The following DOCK2 variants were observed in gnomAD, a reference collection of about 807,000 sequenced individuals.
DOCK2 encodes dedicator of cytokinesis 2, also known as dedicator of cytokinesis protein 2.
In DOCK2, 87 loss-of-function variants were observed where a neutral mutation model predicts 248.9. The ratio of observed to expected loss-of-function variants is 0.35; its 90% CI spans 0.29 to 0.42. The LOEUF is 0.42. Among genes scored for constraint, DOCK2 ranks in the 10% least tolerant of loss-of-function variants. The probability of loss-of-function intolerance (pLI) is 1.00; values close to 1 mark genes in which losing one functional copy is unlikely to be tolerated. For missense variants in DOCK2, 1,747 were observed against 2,300.2 expected, an observed-to-expected ratio of 0.76 and a Z score of 4.92; for synonymous variants, 805 against 821.6, an observed-to-expected ratio of 0.98 and a Z score of 0.35.
chr5:169,765,070 G>GCACACACACACACACACACACACA (rs142755026), intron 25 of DOCK2, among the ~76,000 whole-genome samples: 1 of 146,500 alleles, frequency 6.8e-6, no homozygotes, highest in Non-Finnish European at 1.5e-5. Context: ...CTCTTTTAGC[G>GCACACACACACACACACACACACA]CACACACACA....
chr5:169,674,361 C>T lies in DOCK2; in HGVS notation c.386C>T (p.Ser129Phe), dbSNP rs1249272327. The T allele has an allele frequency of 1.2e-6, 2 of 1,614,006 alleles. No homozygotes were observed. The highest frequency in any genetic ancestry group is 1.7e-6 in the Non-Finnish European group (2 of 1,179,990). The change falls in exon 6 of 52, where the codon TCC becomes TTC. Residue 129 changes from serine (S) to phenylalanine (F), a missense_variant. By Grantham distance (155) the Ser-to-Phe change is radical. Around this residue, in one of 4 missense-constraint regions of DOCK2, gnomAD observed 375 missense variants for 510.9 expected, o/e 0.73. Transcript: ENST00000520908. Reference protein sequence around the residue: ...SMMYDLMEWRSQLLSGTLPKD... With the variant: ...SMMYDLMEWRFQLLSGTLPKD... ...ATGTACGATCTGATGGAGTGGAGGTCCCAGCTTCTCTCAGGAACCTTACCC... is the reference window on the plus strand; with the variant it reads ...ATGTACGATCTGATGGAGTGGAGGTTCCAGCTTCTCTCAGGAACCTTACCC...
At chr5:169,658,411 C>T (rs139043496) in intron 2 of DOCK2, among the ~76,000 whole-genome samples, 34 of 132,666 alleles carry the variant, frequency 2.6e-4, no homozygotes, top group African/African-American at 8.4e-4. Context: ...ACCTGGGAGG[C>T]GGAGCTTGCA....
At chr5:169,862,923 G>A (rs150958409) in intron 27 of DOCK2, among the ~76,000 whole-genome samples, 4 of 152,262 alleles carry the variant, frequency 2.6e-5, no homozygotes, top group Non-Finnish European at 2.9e-5. Context: ...TACCTTCTTC[G>A]TTTAATGTAT....
intron 27 of DOCK2, among the ~76,000 whole-genome samples, chr5:169,919,353 G>A (rs768099152): frequency 2.0e-5 from 3 of 152,212 alleles, no homozygotes; most frequent in East Asian, 3.9e-4. Context: ...GATTTACTGC[G>A]TTGCCTTCCC....
intron 33 of DOCK2, among the ~76,000 whole-genome samples, chr5:170,024,250 T>C (rs1208966566): frequency 2.0e-5 from 3 of 151,512 alleles, no homozygotes; most frequent in Admixed American, 2.0e-4. Flanking sequence ...TGGATGAAAA[T>C]GGAAGTAATT....
intron 28 of DOCK2, among the ~76,000 whole-genome samples, chr5:169,983,895 T>A (rs1778000512): frequency 6.6e-6 from 1 of 152,160 alleles, no homozygotes; most frequent in Non-Finnish European, 1.5e-5. Context: ...TTTCATCCAT[T>A]CAGTAGTGAG....
At chr5:169,788,352 T>TG (rs1766121653) in intron 25 of DOCK2, among the ~76,000 whole-genome samples, 2 of 152,104 alleles carry the variant, frequency 1.3e-5, no homozygotes, top group African/African-American at 4.8e-5. Context: ...CCTTTATTTT[T>TG]TTTATGTTTC....
At chr5:169,942,392 A>G (rs547463336) in intron 27 of DOCK2, among the ~76,000 whole-genome samples, 2 of 152,314 alleles carry the variant, frequency 1.3e-5, no homozygotes, top group Non-Finnish European at 2.9e-5. Flanking sequence ...CAGAAACACA[A>G]GTTTGTGGAG....
At chr5:170,019,276 A>G (rs1755641807) in intron 33 of DOCK2, among the ~76,000 whole-genome samples, 168 bp downstream of exon 33, 1 of 152,120 alleles carries the variant, frequency 6.6e-6, no homozygotes, top group African/African-American at 2.4e-5. Context: ...TTTGGTCGGT[A>G]TTCTATCAAG....
intron 26 of DOCK2, among the ~76,000 whole-genome samples, chr5:169,824,643 A>C (rs1169210979): frequency 6.6e-6 from 1 of 152,246 alleles, no homozygotes; most frequent in African/African-American, 2.4e-5. Flanking sequence ...TGAAGACTTA[A>C]ATGTTAGACC....
intron 20 of DOCK2, among the ~76,000 whole-genome samples, chr5:169,716,904 T>G (rs1043558077): frequency 3.9e-5 from 6 of 152,230 alleles, no homozygotes; most frequent in African/African-American, 1.2e-4. Flanking sequence ...ACCCCTTGTG[T>G]CATGGATATT....
chr5:169,938,455 A>G (rs1396398018), intron 27 of DOCK2, among the ~76,000 whole-genome samples: 1 of 152,228 alleles, frequency 6.6e-6, no homozygotes, highest in African/African-American at 2.4e-5. Context: ...CCTGTATAGC[A>G]TGTTACTCTC....
intron 27 of DOCK2, chr5:169,934,778 T>A (rs892442246): frequency 2.2e-6 from 1 of 450,710 alleles, no homozygotes; most frequent in Non-Finnish European, 4.5e-6. Context: ...TATCATGCAA[T>A]CCTTATTGTT....
intron 27 of DOCK2, among the ~76,000 whole-genome samples, chr5:169,956,204 T>C (rs891449466): frequency 2.6e-5 from 4 of 152,250 alleles, no homozygotes; most frequent in African/African-American, 9.6e-5. Flanking sequence ...AGATTCATCC[T>C]GGTTGAGCAA....
At chr5:169,700,645 G>A (rs1211767679) in intron 13 of DOCK2, among the ~76,000 whole-genome samples, 1 of 151,856 alleles carries the variant, frequency 6.6e-6, no homozygotes, top group Non-Finnish European at 1.5e-5. Flanking sequence ...TCCAGAAGTA[G>A]CCACTACATT....
intron 30 of DOCK2, among the ~76,000 whole-genome samples, chr5:170,001,733 A>G (rs992856989): frequency 6.6e-6 from 1 of 152,206 alleles, no homozygotes. Flanking sequence ...TGTGAACAAG[A>G]GTGAATTTAA....
intron 1 of DOCK2, among the ~76,000 whole-genome samples, chr5:169,653,267 G>A (rs1195989408): frequency 6.6e-6 from 1 of 152,190 alleles, no homozygotes; most frequent in South Asian, 2.1e-4. Context: ...CCTACGTTTA[G>A]TTCCTCTTTA....
At chr5:169,751,775 A>C (rs1402929521) in intron 23 of DOCK2, among the ~76,000 whole-genome samples, 2 of 152,180 alleles carry the variant, frequency 1.3e-5, no homozygotes, top group African/African-American at 4.8e-5. Context: ...AAGGAGCAAT[A>C]AAAACACTTT....
chr5:170,055,884 C>T (rs904116847), intron 42 of DOCK2, among the ~76,000 whole-genome samples: 2 of 152,244 alleles, frequency 1.3e-5, no homozygotes, highest in Admixed American at 1.3e-4. Flanking sequence ...AGGCTGATGT[C>T]CACCTGTTCT....
Sources: gnomAD v4.1 joint callset for allele counts (sites outside exome capture counted in the v4.1 genomes callset) on GRCh38, gnomAD v4.1.1 for gene constraint, gnomAD v4.1.1 regional missense constraint, MANE v1.5 for transcripts, NCBI Gene and HGNC (gene_info 2026-07-23, HGNC 2026-07-21) for gene names.